ASPH: variants seen among roughly 807,000 people sequenced by gnomAD.
The protein encoded by ASPH is aspartyl/asparaginyl beta-hydroxylase.
Under a neutral mutation model 118.4 loss-of-function variants are expected in ASPH, and 100 were observed. That is an observed-to-expected ratio of 0.84 (90% confidence interval 0.72 to 1.00). The LOEUF is 1.00. Among genes scored for constraint, ASPH ranks in the 50% least tolerant of loss-of-function variants. The pLI, the probability that ASPH is intolerant of heterozygous loss-of-function variation, is 0.00. For synonymous variants in ASPH, 315 were observed against 325.6 expected, an observed-to-expected ratio of 0.97 and a Z score of 0.35; for missense variants, 920 against 919.5, an observed-to-expected ratio of 1.00 and a Z score of -0.01.
intron 19 of ASPH, among the ~76,000 whole-genome samples, chr8:61,554,360 G>A (rs138104826): frequency 5.2e-4 from 79 of 152,256 alleles, no homozygotes; most frequent in African/African-American, 1.6e-3. Flanking sequence ...GTTTTTAATA[G>A]AACCATGCCA....
chr8:61,712,104 A>G (rs1286208976), intron 1 of ASPH, among the ~76,000 whole-genome samples: 2 of 152,208 alleles, frequency 1.3e-5, no homozygotes, highest in Non-Finnish European at 2.9e-5. Context: ...ACAACCTTCA[A>G]TGAACTCGGC....
chr8:61,508,222 C>A, intron 24 of ASPH, among the ~76,000 whole-genome samples: 1 of 152,046 alleles, frequency 6.6e-6, no homozygotes, highest in East Asian at 1.9e-4. Context: ...CCCCATGTTG[C>A]CCAGGCTGCT....
intron 14 of ASPH, among the ~76,000 whole-genome samples, chr8:61,605,352 T>C (rs936681713): frequency 1.3e-5 from 2 of 152,158 alleles, no homozygotes; most frequent in African/African-American, 2.4e-5. Context: ...TAGTTGCTCA[T>C]ATCTGTATAG....
intron 14 of ASPH, among the ~76,000 whole-genome samples, chr8:61,613,235 T>C (rs1257978212): frequency 6.6e-6 from 1 of 152,180 alleles, no homozygotes; most frequent in African/African-American, 2.4e-5. Context: ...ATATGAGTAG[T>C]CCTGATCCAA....
Position 61,586,902 on chromosome 8 carries a change from A to G in ASPH, c.977-2873T>C, listed in dbSNP as rs111991800. On this transcript the variant is annotated intron_variant, in intron 14 of 24. Coordinates refer to ENST00000379454, the MANE Select transcript of ASPH (RefSeq NM_004318.4). ...ATGCACACTGAGCTGAGCTGAGCTG[A>G]CCTTCTGAGAACATTCGTGCTGAGC... Among the ~76,000 whole-genome samples, 1,177 of 152,282 alleles carry G rather than the reference A, an allele frequency of 7.7e-3. 13 individuals are homozygous for G. The highest frequency in any genetic ancestry group is 0.026 in the African/African-American group (1,090 of 41,558).
intron 14 of ASPH, among the ~76,000 whole-genome samples, chr8:61,593,731 A>T (rs748709243): frequency 7.2e-5 from 11 of 152,188 alleles, no homozygotes; most frequent in Non-Finnish European, 1.5e-4. Flanking sequence ...CATATGTTAA[A>T]TTAGAAATTT....
chr8:61,601,941 C>T lies in ASPH; in HGVS notation c.976+17037G>A, dbSNP rs1287519332. On this transcript the variant is annotated intron_variant, in intron 14 of 24. Coordinates refer to ENST00000379454, the MANE Select transcript of ASPH (RefSeq NM_004318.4). Reference sequence around the variant, plus strand: ...GGTTACTTAAGAATAAACAAATAACCTGAATATCTTGTATCAGTCAAATAA... The same window carrying T: ...GGTTACTTAAGAATAAACAAATAACTTGAATATCTTGTATCAGTCAAATAA... Among the ~76,000 whole-genome samples, 3 of 151,282 alleles carry T rather than the reference C, an allele frequency of 2.0e-5. 1 individual carries two copies. The highest frequency in any genetic ancestry group is 7.4e-5 in the African/African-American group (3 of 40,684).
intron 2 of ASPH, among the ~76,000 whole-genome samples, 170 bp from the exon 3 acceptor site, chr8:61,681,206 T>C (rs186639438): frequency 6.6e-6 from 1 of 151,804 alleles, no homozygotes; most frequent in Non-Finnish European, 1.5e-5. Context: ...TACCTAAAAA[T>C]AGCGAGCAAT....
chr8:61,711,560 A>AC (rs1349221041), intron 1 of ASPH, among the ~76,000 whole-genome samples: 1 of 152,130 alleles, frequency 6.6e-6, no homozygotes, highest in Non-Finnish European at 1.5e-5. Context: ...AAAAGCAGAC[A>AC]CTTGCTTTAA....
intron 15 of ASPH, chr8:61,579,622 C>T: frequency 2.0e-6 from 3 of 1,520,626 alleles, no homozygotes; most frequent in Non-Finnish European, 2.7e-6. Context: ...AAGATCGAGA[C>T]ATGTGATGGG....
chr8:61,640,433 C>A (rs532049298), intron 10 of ASPH, among the ~76,000 whole-genome samples: 1 of 152,198 alleles, frequency 6.6e-6, no homozygotes, highest in Non-Finnish European at 1.5e-5. Context: ...CTCAGCCTTA[C>A]TCTTGCAAGT....
intron 3 of ASPH, chr8:61,657,208 G>A (rs1259167909): frequency 6.6e-6 from 1 of 152,176 alleles, no homozygotes; most frequent in Non-Finnish European, 1.5e-5. Context: ...AGACCCTGAA[G>A]GAAATCAGGG....
intron 5 of ASPH, among the ~76,000 whole-genome samples, chr8:61,650,439 T>A (rs1437361416): frequency 6.6e-6 from 1 of 152,198 alleles, no homozygotes; most frequent in African/African-American, 2.4e-5. Flanking sequence ...CTTCATGAGA[T>A]ACGTTTTGGG....
At chr8:61,604,551 A>G (rs1429231256) in intron 14 of ASPH, among the ~76,000 whole-genome samples, 1 of 152,224 alleles carries the variant, frequency 6.6e-6, no homozygotes, top group Admixed American at 6.5e-5. Flanking sequence ...TGCACTACTG[A>G]GCATACTGTC....
intron 3 of ASPH, among the ~76,000 whole-genome samples, chr8:61,673,215 C>T (rs747456977): frequency 1.1e-4 from 16 of 152,118 alleles, no homozygotes; most frequent in Non-Finnish European, 8.8e-5. Flanking sequence ...TCCTCAGCAC[C>T]GAGGCGTCTG....
chr8:61,695,311 G>C (rs1470142039), intron 1 of ASPH, among the ~76,000 whole-genome samples: 2 of 152,082 alleles, frequency 1.3e-5, no homozygotes, highest in Non-Finnish European at 2.9e-5. Flanking sequence ...TACTGCTTTC[G>C]AGATAAAATA....
At chr8:61,687,314 T>C (rs948533386) in intron 1 of ASPH, 8 of 152,236 alleles carry the variant, frequency 5.3e-5, no homozygotes, top group Admixed American at 2.6e-4. Context: ...GTAGACAAAA[T>C]ATTTTTTCTA....
intron 3 of ASPH, among the ~76,000 whole-genome samples, chr8:61,655,261 A>G (rs1357124811): frequency 6.6e-6 from 1 of 152,188 alleles, no homozygotes; most frequent in African/African-American, 2.4e-5. Context: ...GCACTCCAGT[A>G]GCTGAGTAGA....
At chr8:61,564,473 AT>A (rs1384780872) in intron 17 of ASPH, among the ~76,000 whole-genome samples, 1 of 151,774 alleles carries the variant, frequency 6.6e-6, no homozygotes, top group Non-Finnish European at 1.5e-5. Context: ...TAATTTTTGT[AT>A]TTTCAGTAGA....
Sources: allele counts gnomAD v4.1 joint callset (sites outside exome capture counted in the v4.1 genomes callset), GRCh38; gene constraint gnomAD v4.1.1; transcripts MANE v1.5; gene names NCBI Gene and HGNC (gene_info 2026-07-23, HGNC 2026-07-21).